ASXL3: variants seen among roughly 807,000 people sequenced by gnomAD.
ASXL3 encodes the protein ASXL transcriptional regulator 3.
ASXL3 carries 34 observed loss-of-function variants against 170.6 expected under a neutral mutation model. The ratio of observed to expected loss-of-function variants is 0.20; its 90% CI spans 0.15 to 0.27. ASXL3 has a LOEUF of 0.27. ASXL3 is among the 10% of genes least tolerant of loss of function. The pLI, the probability that ASXL3 is intolerant of heterozygous loss-of-function variation, is 1.00. For missense variants in ASXL3, 2,592 were observed against 2,695.3 expected, an observed-to-expected ratio of 0.96 and a Z score of 0.85; for synonymous variants, 1,002 against 989.1, an observed-to-expected ratio of 1.01 and a Z score of -0.24.
At chr18:33,714,707 T>C (rs1291892598) in intron 8 of ASXL3, among the ~76,000 whole-genome samples, 1 of 152,020 alleles carries the variant, frequency 6.6e-6, no homozygotes, top group Non-Finnish European at 1.5e-5. Flanking sequence ...ACCTGTGGGG[T>C]ACATGTTCCA....
intron 2 of ASXL3, among the ~76,000 whole-genome samples, chr18:33,616,037 T>G (rs1408443283): frequency 6.6e-6 from 1 of 152,158 alleles, no homozygotes; most frequent in Non-Finnish European, 1.5e-5. Flanking sequence ...CACTAATTGT[T>G]TAAAATAACT....
At chr18:33,722,564 TG>T (rs1373897426) in intron 8 of ASXL3, among the ~76,000 whole-genome samples, 1 of 152,074 alleles carries the variant, frequency 6.6e-6, no homozygotes, top group Non-Finnish European at 1.5e-5. Flanking sequence ...GGTGAAGATG[TG>T]CTAGAAGGGA....
chr18:33,658,760 A>G (rs958849849), intron 4 of ASXL3, among the ~76,000 whole-genome samples: 2 of 152,076 alleles, frequency 1.3e-5, no homozygotes, highest in African/African-American at 4.8e-5. Context: ...GAGAAAATTG[A>G]CTACCTAGGA....
At chr18:33,605,182 G>A (rs2065231590) in intron 1 of ASXL3, among the ~76,000 whole-genome samples, 1 of 151,946 alleles carries the variant, frequency 6.6e-6, no homozygotes, top group Admixed American at 6.6e-5. Context: ...GTTAGTCTAA[G>A]GTTTGGGTCT....
rs142129645 is a variant in ASXL3 at position 33,616,701 on chromosome 18, A to G, written c.137+9025A>G. The G allele has an allele frequency of 2.0e-5, 3 of 152,296 alleles. No homozygotes were observed. In the East Asian group the frequency reaches 5.8e-4, roughly 29 times the overall value. 9.4% of individuals were successfully genotyped at this position (152,296 alleles called of 1,614,324 possible). ...CAGTTCTGGAAGACAGAAAGCCCAG[A>G]TTAAGGTTGGCAGTGTCCGTTTCTG... On this transcript the variant is annotated intron_variant, in intron 2 of 11. Transcript: ENST00000269197.
In ASXL3 at chr18:33,745,919, C is replaced by CG. The variant is rs2067777344; in HGVS notation, c.6071_6072insG (p.Pro2025SerfsTer23). ...CATCCGCCGCCGCCACCGCCTCCCCCTCCCCCTCCACCCTTGGCTTTGCCC... is the reference window on the plus strand; with the variant it reads ...CATCCGCCGCCGCCACCGCCTCCCCCGTCCCCCTCCACCCTTGGCTTTGCCC... On this transcript the variant is annotated frameshift_variant, in exon 12 of 12. Transcript: ENST00000269197. LOFTEE classifies it high-confidence loss of function. The CG allele has an allele frequency of 6.3e-7, 1 of 1,577,808 alleles. No homozygotes were observed. Among genetic ancestry groups the CG allele is most frequent in the Non-Finnish European group, 8.6e-7 (1 of 1,165,020 alleles).
At position 33,704,134 on chromosome 18, in the gene ASXL3, G is replaced by A. The variant is rs73424735; in HGVS notation, c.879+20566G>A. On this transcript the variant is annotated intron_variant, in intron 8 of 11. Transcript: ENST00000269197. Reference sequence around the variant, plus strand: ...TGCATATTTCAATATGTGCTATAATGTAGTAGGTACTCAATAATTATTTTT... The same window carrying A: ...TGCATATTTCAATATGTGCTATAATATAGTAGGTACTCAATAATTATTTTT... 9.9e-3 allele frequency among the ~76,000 whole-genome samples: 1,501 copies of A among 152,200 alleles called. 27 individuals are homozygous for A. Among genetic ancestry groups the A allele is most frequent in the African/African-American group, 0.033 (1,388 of 41,530 alleles).
intron 2 of ASXL3, among the ~76,000 whole-genome samples, chr18:33,609,985 C>T (rs916445949): frequency 1.3e-5 from 2 of 151,914 alleles, no homozygotes; most frequent in African/African-American, 2.4e-5. Flanking sequence ...TCACTGTTCC[C>T]TTGCTTTCTA....
chr18:33,743,857 C>G lies in ASXL3; in HGVS notation c.4009C>G (p.Gln1337Glu), dbSNP rs2067713201. ...CAGTGCTAGTAACTTAGTCTCCACTCAGTACACCTCTGTGCCAACTCCCTC... is the reference window on the plus strand; with the variant it reads ...CAGTGCTAGTAACTTAGTCTCCACTGAGTACACCTCTGTGCCAACTCCCTC... Reference protein sequence around the residue: ...SSSASNLVSTQYTSVPTPSIG... With the variant: ...SSSASNLVSTEYTSVPTPSIG... Residue 1337 changes from glutamine (Q) to glutamate (E), a missense_variant, in exon 12 of 12, where the codon CAG (glutamine) becomes GAG (glutamate). By Grantham distance (29) the Gln-to-Glu change is conservative. This residue lies in a region of ASXL3 where 2,246 missense variants were observed against 2,219.6 expected (regional missense o/e 1.01). Transcript: ENST00000269197. 1 of 1,614,038 alleles carries G rather than the reference C, an allele frequency of 6.2e-7. No homozygotes were observed. The highest frequency in any genetic ancestry group is 2.2e-5 in the East Asian group (1 of 44,876).
chr18:33,723,841 A>G (rs2067302424), intron 8 of ASXL3, among the ~76,000 whole-genome samples: 1 of 152,160 alleles, frequency 6.6e-6, no homozygotes, highest in Non-Finnish European at 1.5e-5. Context: ...TAGCCATTCC[A>G]GCCTTCAGCA....
At chr18:33,671,000 A>G (rs1451414291) in intron 6 of ASXL3, among the ~76,000 whole-genome samples, 1 of 152,210 alleles carries the variant, frequency 6.6e-6, no homozygotes, top group African/African-American at 2.4e-5. Flanking sequence ...TTGCCTCATC[A>G]TCAGCAAATG....
intron 11 of ASXL3, among the ~76,000 whole-genome samples, chr18:33,741,774 C>G (rs1268876668): frequency 2.0e-5 from 3 of 152,164 alleles, no homozygotes; most frequent in Non-Finnish European, 2.9e-5. Context: ...TCCAAAGGCT[C>G]TAGTCACTCA....
intron 8 of ASXL3, among the ~76,000 whole-genome samples, chr18:33,693,895 A>G (rs2066729448): frequency 6.6e-6 from 1 of 152,172 alleles, no homozygotes; most frequent in African/African-American, 2.4e-5. Context: ...CAGGCAGCAT[A>G]GGAAGGAAAG....
At chr18:33,660,201 A>G (rs1481496791) in intron 4 of ASXL3, among the ~76,000 whole-genome samples, 1 of 152,130 alleles carries the variant, frequency 6.6e-6, no homozygotes, top group Non-Finnish European at 1.5e-5. Context: ...AGAAATATAT[A>G]CCTTATTGTG....
rs75881077 is a variant in ASXL3 at position 33,750,570 on chromosome 18, T to G, written c.*3975T>G. 1.3e-4 allele frequency: 6 copies of G among 47,754 alleles called. No individual in the cohort carries two copies. The highest frequency in any genetic ancestry group is 4.1e-4 in the African/African-American group (5 of 12,252). The allele number at this position is 47,754 out of a possible 1,614,324, so 3.0% of individuals were successfully genotyped here. A position where few individuals can be genotyped will look rare whatever the true frequency, so the allele number is the denominator to read the frequency against. On this transcript the variant is annotated 3_prime_UTR_variant, in exon 12 of 12. Transcript: ENST00000269197. ...TTTAATGTGTGTTCGTTTGTACAAT[T>G]TTTTTTTTTTGGTCAGTATTCTGAA...
In ASXL3 at chr18:33,676,131, G is replaced by A. The variant is rs189205112; in HGVS notation, c.715+4265G>A. On this transcript the variant is annotated intron_variant, in intron 7 of 11. Transcript: ENST00000269197. Reference sequence around the variant, plus strand: ...CCCAGCTACTCGGGAGGGTGAGGAAGGAGAATGGCGTGAACCCGGGAGGCG... The same window carrying A: ...CCCAGCTACTCGGGAGGGTGAGGAAAGAGAATGGCGTGAACCCGGGAGGCG... Among the ~76,000 whole-genome samples the A allele has an allele frequency of 1.7e-4, 26 of 149,984 alleles. No individual in the cohort carries two copies. The East Asian group carries it at 5.2e-3, about 30-fold the overall frequency.
At position 33,746,065 on chromosome 18, in the gene ASXL3, A is replaced by C. The variant is rs1392861556; in HGVS notation, c.6217A>C (p.Thr2073Pro). The change falls in exon 12 of 12, where the codon ACG becomes CCG. Residue 2073 changes from threonine (T) to proline (P), a missense_variant. Thr to Pro is a conservative substitution (Grantham distance 38). Coordinates refer to ENST00000269197, the MANE Select transcript of ASXL3 (RefSeq NM_030632.3). ...TTKRLSWPQS[T>P]GICSNIKSEP... ...TAAGAGACTTAGTTGGCCACAGTCC[A>C]CGGGCATATGTAGCAATATAAAATC... 1.9e-6 allele frequency: 3 copies of C among 1,613,148 alleles called. No homozygotes were observed. The Admixed American group carries it at 5.0e-5, about 27-fold the overall frequency.
chr18:33,705,956 C>T lies in ASXL3; in HGVS notation c.879+22388C>T, dbSNP rs532628085. 3.3e-5 allele frequency among the ~76,000 whole-genome samples: 5 copies of T among 151,844 alleles called. No individual in the cohort carries two copies. In the South Asian group the frequency reaches 1.0e-3, roughly 31 times the overall value. ...CTATCCTGACTTTTTTCACCATCAACTACTTTTGTCTGTTTTTGAACTTTA... is the reference window on the plus strand; with the variant it reads ...CTATCCTGACTTTTTTCACCATCAATTACTTTTGTCTGTTTTTGAACTTTA... On this transcript the variant is annotated intron_variant, in intron 8 of 11. Transcript: ENST00000269197.
chr18:33,706,640 A>G (rs2066964473), intron 8 of ASXL3, among the ~76,000 whole-genome samples: 1 of 151,726 alleles, frequency 6.6e-6, no homozygotes, highest in African/African-American at 2.4e-5. Flanking sequence ...CCATTTGTAT[A>G]TTACCAGTTC....
Sources: gnomAD v4.1 joint callset for allele counts (sites outside exome capture counted in the v4.1 genomes callset) on GRCh38, gnomAD v4.1.1 for gene constraint, gnomAD v4.1.1 regional missense constraint, MANE v1.5 for transcripts, NCBI Gene and HGNC (gene_info 2026-07-23, HGNC 2026-07-21) for gene names.